RPS6KC1: variants seen among roughly 807,000 people sequenced by gnomAD.
RPS6KC1 encodes the protein ribosomal protein S6 kinase C1, also known as inactive ribosomal protein S6 kinase delta-1.
In RPS6KC1, 54 loss-of-function variants were observed where a neutral mutation model predicts 103.8. The observed-to-expected ratio is 0.52, with a 90% CI of 0.42 to 0.65. The LOEUF (loss-of-function observed/expected upper bound fraction) is 0.65, where lower values mean the gene tolerates loss of function less well. Ranked by LOEUF, RPS6KC1 falls within the 30% of genes least tolerant of loss-of-function variation. The probability of loss-of-function intolerance (pLI) is 0.00; values close to 1 mark genes in which losing one functional copy is unlikely to be tolerated. For synonymous variants in RPS6KC1, 439 were observed against 438.7 expected (o/e 1.00, Z -0.01); for missense variants, 1,151 against 1,253.8 (o/e 0.92, Z 1.24).
chr1:213,320,549 T>G, the RPS6KC1 span, among the ~76,000 whole-genome samples: 3 of 152,266 alleles, frequency 2.0e-5, no homozygotes, highest in African/African-American at 7.2e-5. Flanking sequence ...AATCTATTTT[T>G]ACACCTCACT....
the RPS6KC1 span, among the ~76,000 whole-genome samples, chr1:213,467,672 T>C: frequency 6.6e-6 from 1 of 152,186 alleles, no homozygotes; most frequent in South Asian, 2.1e-4. Flanking sequence ...TAGGATCTGC[T>C]CCCTTCAGTG....
At chr1:213,281,511 C>T in the RPS6KC1 span, among the ~76,000 whole-genome samples, 1 of 152,204 alleles carries the variant, frequency 6.6e-6, no homozygotes, top group Admixed American at 6.5e-5. Flanking sequence ...TTTGCCTGCA[C>T]CCCATTCCTG....
At chr1:213,118,528 G>T (rs1032241305) in intron 5 of RPS6KC1, among the ~76,000 whole-genome samples, 1 of 151,764 alleles carries the variant, frequency 6.6e-6, no homozygotes, top group Non-Finnish European at 1.5e-5. Context: ...TTTTTGTGAG[G>T]GTATGTACTC....
At chr1:213,587,654 A>G in the RPS6KC1 span, among the ~76,000 whole-genome samples, 1 of 152,236 alleles carries the variant, frequency 6.6e-6, no homozygotes, top group Non-Finnish European at 1.5e-5. Context: ...TAAACTTCCT[A>G]ATTTTTGAGA....
At chr1:213,356,329 A>C in the RPS6KC1 span, among the ~76,000 whole-genome samples, 1 of 152,234 alleles carries the variant, frequency 6.6e-6, no homozygotes, top group Non-Finnish European at 1.5e-5. Context: ...AGCGTTTTCA[A>C]AGGTCACTGG....
chr1:213,363,750 TCTTTCTCTC>T, the RPS6KC1 span, among the ~76,000 whole-genome samples: 1,552 of 61,996 alleles, frequency 0.025, 169 homozygotes, highest in African/African-American at 0.099. Context: ...CTCTTCTTTC[TCTTTCTCTC>T]TTCTTTCTTT....
the RPS6KC1 span, among the ~76,000 whole-genome samples, chr1:213,447,853 TCTAA>T: frequency 6.6e-6 from 1 of 152,224 alleles, no homozygotes; most frequent in African/African-American, 2.4e-5. Flanking sequence ...ATTCTTTGAA[TCTAA>T]CAGTTGAAAA....
chr1:213,241,996 A>T lies in RPS6KC1; in HGVS notation c.2520A>T (p.Thr840=). 6.2e-7 allele frequency: 1 copy of T among 1,613,978 alleles called. No individual in the cohort carries two copies. The highest frequency in any genetic ancestry group is 8.5e-7 in the Non-Finnish European group (1 of 1,179,886). ...TTGCAAGCACAGACACTTTAAAAAC[A>T]GAAGAAGTATTGCTGTTTACAGATC... is the stretch of plus-strand genomic sequence containing the variant. The part of the protein sequence containing the change: ...EYIASTDTLK[T]EEVLLFTDQT... Residue 840 remains threonine, a synonymous_variant, in exon 11 of 15, where the codon ACA becomes ACT. Coordinates refer to ENST00000366960, the MANE Select transcript of RPS6KC1 (RefSeq NM_012424.6).
At chr1:213,505,112 C>T in the RPS6KC1 span, among the ~76,000 whole-genome samples, 4 of 152,140 alleles carry the variant, frequency 2.6e-5, no homozygotes, top group African/African-American at 7.2e-5. Context: ...TGTCACTGTA[C>T]GATATCCACT....
chr1:213,309,684 T>A, the RPS6KC1 span, among the ~76,000 whole-genome samples: 4 of 152,126 alleles, frequency 2.6e-5, no homozygotes, highest in African/African-American at 9.7e-5. Flanking sequence ...CTTCTCTTAG[T>A]TATTTGTTTA....
At chr1:213,707,623 A>G in the RPS6KC1 span, among the ~76,000 whole-genome samples, 6 of 152,168 alleles carry the variant, frequency 3.9e-5, no homozygotes, top group African/African-American at 1.4e-4. Context: ...TGCCCATGCT[A>G]TGTCCTGAAT....
the RPS6KC1 span, among the ~76,000 whole-genome samples, chr1:213,356,175 G>A: frequency 6.6e-6 from 1 of 152,134 alleles, no homozygotes; most frequent in African/African-American, 2.4e-5. Flanking sequence ...CAACAATGAG[G>A]GCGATGTGTG....
At chr1:213,516,402 C>T in the RPS6KC1 span, among the ~76,000 whole-genome samples, 2 of 152,034 alleles carry the variant, frequency 1.3e-5, no homozygotes, top group East Asian at 3.9e-4. Flanking sequence ...GAGATACGTC[C>T]CATCAATACC....
chr1:213,257,991 A>AT (rs2094692389), intron 12 of RPS6KC1, among the ~76,000 whole-genome samples: 1 of 147,624 alleles, frequency 6.8e-6, no homozygotes, highest in South Asian at 2.2e-4. Context: ...TTTATTTTTT[A>AT]TTTTTTTTGA....
chr1:213,699,868 T>G, the RPS6KC1 span, among the ~76,000 whole-genome samples: 1 of 152,146 alleles, frequency 6.6e-6, no homozygotes, highest in Non-Finnish European at 1.5e-5. Context: ...TCTATTCAAA[T>G]CTTTTGCCCA....
chr1:213,121,469 A>G (rs190092164), intron 5 of RPS6KC1, among the ~76,000 whole-genome samples: 348 of 152,318 alleles, frequency 2.3e-3, no homozygotes, highest in African/African-American at 8.2e-3. Flanking sequence ...ATTTTTTCAA[A>G]GATGAAAGAA....
intron 6 of RPS6KC1, among the ~76,000 whole-genome samples, chr1:213,149,263 C>G (rs1461009453): frequency 6.6e-6 from 1 of 151,922 alleles, no homozygotes; most frequent in African/African-American, 2.4e-5. Flanking sequence ...GAAGTTTTTC[C>G]TCTTTTTTGA....
At chr1:213,432,558 A>C in the RPS6KC1 span, among the ~76,000 whole-genome samples, 2 of 152,178 alleles carry the variant, frequency 1.3e-5, no homozygotes, top group African/African-American at 4.8e-5. Flanking sequence ...CCATTTAATC[A>C]GGATAGTAAA....
At chr1:213,247,198 G>T (rs146388981) in intron 12 of RPS6KC1, among the ~76,000 whole-genome samples, 6 of 152,266 alleles carry the variant, frequency 3.9e-5, no homozygotes, top group Admixed American at 6.5e-5. Flanking sequence ...ACTGCAGCCC[G>T]ATCTCCATGC....
Sources: gnomAD v4.1 joint callset for allele counts (sites outside exome capture counted in the v4.1 genomes callset) on GRCh38, gnomAD v4.1.1 for gene constraint, MANE v1.5 for transcripts, NCBI Gene and HGNC (gene_info 2026-07-23, HGNC 2026-07-21) for gene names.